Variants in MLLT6 observed in about 807,000 individuals in gnomAD.
MLLT6 encodes the protein protein AF-17.
Under a neutral mutation model 103.0 loss-of-function variants are expected in MLLT6, and 22 were observed. The ratio of observed to expected loss-of-function variants is 0.21; its 90% CI spans 0.15 to 0.31. The LOEUF is 0.31. Among genes scored for constraint, MLLT6 ranks in the 10% least tolerant of loss-of-function variants. The pLI, the probability that MLLT6 is intolerant of heterozygous loss-of-function variation, is 1.00. For synonymous variants in MLLT6, 606 were observed against 623.5 expected, an observed-to-expected ratio of 0.97 and a Z score of 0.42; for missense variants, 1,199 against 1,441.7, an observed-to-expected ratio of 0.83 and a Z score of 2.73.
chr17:38,712,603 G>A (rs975661917), intron 7 of MLLT6, 88 bp from the exon 8 acceptor site: 2 of 839,090 alleles, frequency 2.4e-6, no homozygotes, highest in Admixed American at 3.6e-5. Flanking sequence ...ATCCCTAAGG[G>A]GGTGTCAGCT....
At chr17:38,723,436 G>C (rs1480951889) in intron 18 of MLLT6, among the ~76,000 whole-genome samples, 2 of 152,106 alleles carry the variant, frequency 1.3e-5, no homozygotes, top group Non-Finnish European at 2.9e-5. Flanking sequence ...AGGCTGCAGT[G>C]AGCTGAGATG....
chr17:38,722,120 C>T lies in MLLT6; in HGVS notation c.2685C>T (p.Pro895=). 7.3e-7 allele frequency: 1 copy of T among 1,378,568 alleles called. No homozygotes were observed. Among genetic ancestry groups the T allele is most frequent in the South Asian group, 1.6e-5 (1 of 61,710 alleles). The allele number at this position is 1,378,568 out of a possible 1,614,324, so 85.4% of individuals were successfully genotyped here. ...GGCTGGCAGGCAGTGGGGGCCTGCC[C>T]CTCAATGGGCTCCTTGGGGGGTTGA... ...LGGLAGSGGL[P]LNGLLGGLNG... Residue 895 remains proline (P), a synonymous_variant, in exon 17 of 20, where the codon CCC becomes CCT. Transcript: ENST00000621332.
In MLLT6 at chr17:38,722,671, A is replaced by G; in HGVS notation, c.2793-7A>G. ...TGTCCCCCCCCCACCCCCCACCCCC[A>G]CCTCAGCCTTACAGAGCAGCAGAGA... On this transcript the variant is annotated splice_polypyrimidine_tract_variant and splice_region_variant and intron_variant, in intron 17 of 19. Transcript: ENST00000621332. 1 of 281,970 alleles carries G rather than the reference A, an allele frequency of 3.5e-6. No homozygotes were observed. The highest frequency in any genetic ancestry group is 5.8e-6 in the Non-Finnish European group (1 of 170,976). The allele number at this position is 281,970 out of a possible 1,614,324, so 17.5% of individuals were successfully genotyped here.
In MLLT6 at chr17:38,719,771, C is replaced by T. The variant is rs1229016174; in HGVS notation, c.2031C>T (p.Pro677=). The T allele has an allele frequency of 6.2e-7, 1 of 1,613,168 alleles. No individual in the cohort carries two copies. Among genetic ancestry groups the T allele is most frequent in the South Asian group, 1.1e-5 (1 of 91,000 alleles). The change falls in exon 14 of 20, where the codon CCC becomes CCT. Residue 677 remains proline, a synonymous_variant. Transcript: ENST00000621332. ...GCAGGTCCCCCATCAGCAGCCTCCCCGCACTCTTCGACCAGACAGCCTCTG... is the reference window on the plus strand; with the variant it reads ...GCAGGTCCCCCATCAGCAGCCTCCCTGCACTCTTCGACCAGACAGCCTCTG... The part of the protein sequence containing the change: ...LSSMSPISSL[P]ALFDQTASAP...
At position 38,720,696 on chromosome 17, in the gene MLLT6, T is replaced by G. The variant is rs1041244545; in HGVS notation, c.2391T>G (p.Pro797=). 3 of 1,613,798 alleles carry G rather than the reference T, an allele frequency of 1.9e-6. No homozygotes were observed. The highest frequency in any genetic ancestry group is 2.5e-6 in the Non-Finnish European group (3 of 1,180,028). The part of the protein sequence containing the change: ...SSDSLSTSKS[P]PGKSSLGLDN... ...ACTCCTTGAGCACCAGCAAGAGCCC[T>G]CCGGGAAAGAGCAGCCTCGGCCTGG... The change falls in exon 16 of 20, where the codon CCT becomes CCG. Residue 797 remains proline (P), a synonymous_variant. Coordinates refer to ENST00000621332, the MANE Select transcript of MLLT6 (RefSeq NM_005937.4).
rs1251874761 is a variant in MLLT6, at chr17:38,706,951, T to G, written c.111T>G (p.Ala37=). The part of the protein sequence containing the change: ...GHACSVAVHQ[A]CYGIVQVPTG... ...AGCGACTGTCCTCCCCACCCTCAGC[T>G]TGCTATGGCATCGTTCAGGTGCCAA... The change falls in exon 2 of 20, where the codon GCT becomes GCG. Residue 37 remains alanine (A), a splice_region_variant and synonymous_variant. Coordinates refer to ENST00000621332, the MANE Select transcript of MLLT6 (RefSeq NM_005937.4). 1 of 1,607,990 alleles carries G rather than the reference T, an allele frequency of 6.2e-7. No individual in the cohort carries two copies. Among genetic ancestry groups the G allele is most frequent in the African/African-American group, 1.3e-5 (1 of 74,884 alleles).
intron 3 of MLLT6, 43 bp downstream of exon 3, chr17:38,707,583 C>G (rs771334475): frequency 1.9e-6 from 3 of 1,599,400 alleles, no homozygotes; most frequent in Non-Finnish European, 2.6e-6. Context: ...GCCCCCTGAG[C>G]AGGGTCTGGG....
rs199619571 is a variant in MLLT6 at position 38,715,584 on chromosome 17, T to C, written c.820-28T>C. On this transcript the variant is annotated intron_variant, in intron 8 of 19. Coordinates refer to ENST00000621332, the MANE Select transcript of MLLT6 (RefSeq NM_005937.4). ...TCAGCACAGGCCCAGGCACCTGGTG[T>C]TGAACCTTCCTCTCTCCTCTCCTTC... is the stretch of plus-strand genomic sequence containing the variant. The C allele has an allele frequency of 4.4e-6, 7 of 1,590,376 alleles. No individual in the cohort carries two copies. The East Asian group carries it at 1.6e-4, about 35-fold the overall frequency.
In MLLT6 at chr17:38,717,588, C is replaced by A; in HGVS notation, c.1808C>A (p.Ser603Tyr). 6.2e-7 allele frequency: 1 copy of A among 1,613,948 alleles called. No homozygotes were observed. The highest frequency in any genetic ancestry group is 8.5e-7 in the Non-Finnish European group (1 of 1,179,942). Reference sequence around the variant, plus strand: ...CCGTTCACCAGCACCCTCCCCTCCTCTTCTGCTTCTATCTCCACCACTCAG... The same window carrying A: ...CCGTTCACCAGCACCCTCCCCTCCTATTCTGCTTCTATCTCCACCACTCAG... Reference protein sequence around the residue: ...RSPFTSTLPSSSASISTTQVF... With the variant: ...RSPFTSTLPSYSASISTTQVF... Residue 603 changes from serine to tyrosine, a missense_variant, in exon 11 of 20, where the codon TCT (serine) becomes TAT (tyrosine). This residue lies in a region of MLLT6 where 1,034 missense variants were observed against 1,091.5 expected (regional missense o/e 0.95). Transcript: ENST00000621332.
intron 14 of MLLT6, chr17:38,720,138 C>T (rs1362351296): frequency 5.8e-6 from 4 of 692,864 alleles, no homozygotes; most frequent in South Asian, 1.9e-5. Flanking sequence ...CAACTTCCGC[C>T]CTTCTCTCCT....
In MLLT6 at chr17:38,716,698, T is replaced by C. The variant is rs966633364; in HGVS notation, c.1368T>C (p.Asp456=). 1 of 1,612,034 alleles carries C rather than the reference T, an allele frequency of 6.2e-7. No individual in the cohort carries two copies. The highest frequency in any genetic ancestry group is 8.5e-7 in the Non-Finnish European group (1 of 1,179,306). ...PALSATPVPA[D]ETPETGLKEK... ...TGAGTGCCACCCCTGTGCCTGCTGA[T>C]GAGACCCCTGAGACAGGCCTGAAGG... The change falls in exon 10 of 20, where the codon GAT becomes GAC. Residue 456 remains aspartate (D), a synonymous_variant. Coordinates refer to ENST00000621332, the MANE Select transcript of MLLT6 (RefSeq NM_005937.4). This position sits in a 1 kb window ranked among gnomAD's most constrained non-coding sequence, Gnocchi z 5.6.
At chr17:38,723,843 A>C (rs1366893019) in intron 18 of MLLT6, among the ~76,000 whole-genome samples, 3 of 151,510 alleles carry the variant, frequency 2.0e-5, no homozygotes, top group Non-Finnish European at 2.9e-5. Flanking sequence ...CCCGGGTTCA[A>C]GGGATTCTCT....
chr17:38,719,558 T>C lies in MLLT6; in HGVS notation c.1984T>C (p.Ser662Pro), dbSNP rs1261817460. The change falls in exon 13 of 20, where the codon TCC becomes CCC. Residue 662 changes from serine (S) to proline (P), a missense_variant. By Grantham distance (74) the Ser-to-Pro change is moderately conservative. This residue lies in a region of MLLT6 where 1,034 missense variants were observed against 1,091.5 expected (regional missense o/e 0.95). Coordinates refer to ENST00000621332, the MANE Select transcript of MLLT6 (RefSeq NM_005937.4). ...EDCSFRCRGT[S>P]PQESLSSMSP... The stretch of plus-strand genomic sequence containing the variant: ...CTGCAGCTTCCGGTGTCGGGGGACC[T>C]CCCCTCAGGAGAGTCTGTCTTCCAT... 8.1e-6 allele frequency: 13 copies of C among 1,610,806 alleles called. No individual in the cohort carries two copies. Among genetic ancestry groups the C allele is most frequent in the Non-Finnish European group, 1.1e-5 (13 of 1,178,868 alleles).
rs2143697694 is a variant in MLLT6, at chr17:38,719,506, C to T, written c.1943-11C>T. On this transcript the variant is annotated splice_polypyrimidine_tract_variant and intron_variant, in intron 12 of 19. Transcript: ENST00000621332. ...TCCTCCACGCTGATCCCAGCCTTCCCTTCTTCCAAGAGCCAGACCTGGAGG... is the reference window on the plus strand; with the variant it reads ...TCCTCCACGCTGATCCCAGCCTTCCTTTCTTCCAAGAGCCAGACCTGGAGG... 4 of 1,605,650 alleles carry T rather than the reference C, an allele frequency of 2.5e-6. No homozygotes were observed. Among genetic ancestry groups the T allele is most frequent in the Non-Finnish European group, 3.4e-6 (4 of 1,176,608 alleles).
In MLLT6 at chr17:38,719,499, G is replaced by C. The variant is rs756617088; in HGVS notation, c.1943-18G>C. 1 of 1,601,020 alleles carries C rather than the reference G, an allele frequency of 6.2e-7. No individual in the cohort carries two copies. The highest frequency in any genetic ancestry group is 2.2e-5 in the East Asian group (1 of 44,542). Reference sequence around the variant, plus strand: ...CTACCACTCCTCCACGCTGATCCCAGCCTTCCCTTCTTCCAAGAGCCAGAC... The same window carrying C: ...CTACCACTCCTCCACGCTGATCCCACCCTTCCCTTCTTCCAAGAGCCAGAC... On this transcript the variant is annotated intron_variant, in intron 12 of 19. Transcript: ENST00000621332.
intron 16 of MLLT6, 73 bp downstream of exon 16, chr17:38,720,820 A>G (rs1905689226): frequency 7.5e-6 from 10 of 1,325,726 alleles, no homozygotes; most frequent in Non-Finnish European, 1.1e-5. Context: ...TCTTCCCCGC[A>G]GCTATTGGAG....
In MLLT6 at chr17:38,721,871, TC is replaced by T; in HGVS notation, c.2443-3del. ...CTCTGACCCCTCCCTTCCCCCTCCC[TC>T]CCCAGGACCCACACTCAGGCTGCCC... On this transcript the variant is annotated splice_polypyrimidine_tract_variant and splice_region_variant and intron_variant, in intron 16 of 19. Transcript: ENST00000621332. 2 of 1,150,054 alleles carry T rather than the reference TC, an allele frequency of 1.7e-6. No homozygotes were observed. Among genetic ancestry groups the T allele is most frequent in the Non-Finnish European group, 1.2e-6 (1 of 820,382 alleles). The allele number at this position is 1,150,054 out of a possible 1,614,324, so 71.2% of individuals were successfully genotyped here.
At chr17:38,720,794 C>A in intron 16 of MLLT6, 47 bp downstream of exon 16, 1 of 1,532,644 alleles carries the variant, frequency 6.5e-7, no homozygotes, top group Non-Finnish European at 9.0e-7. Flanking sequence ...AGACTCAAGG[C>A]TCTCCTGGTC....
rs932880992 is a variant in MLLT6, at chr17:38,725,242, C to T, written c.3240+266C>T. ...TCCGGGAGGACCAATTAGAAAAAGCCATTTTGTTTCTCATCCGACCAATTA... is the reference window on the plus strand; with the variant it reads ...TCCGGGAGGACCAATTAGAAAAAGCTATTTTGTTTCTCATCCGACCAATTA... On this transcript the variant is annotated intron_variant, in intron 19 of 19. Transcript: ENST00000621332. 10 of 530,870 alleles carry T rather than the reference C, an allele frequency of 1.9e-5. No homozygotes were observed. The African/African-American group carries it at 2.0e-4, about 10-fold the overall frequency. 32.9% of individuals were successfully genotyped at this position (530,870 alleles called of 1,614,324 possible). A position where few individuals can be genotyped will look rare whatever the true frequency, so the allele number is the denominator to read the frequency against.
Sources: gnomAD v4.1 joint callset for allele counts (sites outside exome capture counted in the v4.1 genomes callset) on GRCh38, gnomAD v4.1.1 for gene constraint, gnomAD v4.1.1 regional missense constraint, Gnocchi (gnomAD v3.1) non-coding constraint, MANE v1.5 for transcripts, NCBI Gene and HGNC (gene_info 2026-07-23, HGNC 2026-07-21) for gene names.